Variants in ARMC9 observed in about 807,000 individuals in gnomAD.
ARMC9 encodes the protein armadillo repeat containing 9, also known as lisH domain-containing protein ARMC9.
A neutral mutation model predicts 107.0 loss-of-function variants in ARMC9; 94 were observed. The observed-to-expected ratio is 0.88, with a 90% CI of 0.74 to 1.04. The LOEUF is 1.04. Among genes scored for constraint, ARMC9 ranks in the 50% least tolerant of loss-of-function variants. The pLI is 0.00. For missense variants in ARMC9, 942 were observed against 1,030.1 expected, an observed-to-expected ratio of 0.91 and a Z score of 1.17; for synonymous variants, 380 against 396.9, an observed-to-expected ratio of 0.96 and a Z score of 0.51.
intron 19 of ARMC9, among the ~76,000 whole-genome samples, chr2:231,308,212 C>T (rs1029927619): frequency 6.6e-6 from 1 of 152,222 alleles, no homozygotes; most frequent in Non-Finnish European, 1.5e-5. Flanking sequence ...CCAGTGCTTC[C>T]GTGTGCAGGC....
At position 231,272,937 on chromosome 2, in the gene ARMC9, T is replaced by C. The variant is rs371453388; in HGVS notation, c.1211-18T>C. The C allele has an allele frequency of 2.7e-4, 427 of 1,605,624 alleles. No homozygotes were observed. Among genetic ancestry groups the C allele is most frequent in the South Asian group, 8.8e-4 (79 of 89,370 alleles). On this transcript the variant is annotated intron_variant, in intron 13 of 24. Transcript: ENST00000611582. ...TTATTTCTGTCTTTCACCTGTTTCA[T>C]CTCTGGTGTATTATCAGGTCGCCTC...
At chr2:231,344,012 A>G (rs142585184) in intron 20 of ARMC9, among the ~76,000 whole-genome samples, 1 of 152,302 alleles carries the variant, frequency 6.6e-6, no homozygotes, top group South Asian at 2.1e-4. Flanking sequence ...ACATGGCTAT[A>G]TGATATATAT....
At chr2:231,272,205 T>G (rs890236714) in intron 13 of ARMC9, among the ~76,000 whole-genome samples, 3 of 147,544 alleles carry the variant, frequency 2.0e-5, no homozygotes, top group African/African-American at 7.5e-5. Flanking sequence ...TTTTTTTTTT[T>G]TTTTTGAGAG....
chr2:231,286,887 G>A (rs993629925), intron 17 of ARMC9, among the ~76,000 whole-genome samples: 2 of 152,150 alleles, frequency 1.3e-5, no homozygotes, highest in African/African-American at 4.8e-5. Flanking sequence ...ATCCCCTGAG[G>A]CCCATTTGAA....
chr2:231,287,059 C>T (rs751807797), intron 17 of ARMC9, among the ~76,000 whole-genome samples: 21 of 152,182 alleles, frequency 1.4e-4, no homozygotes, highest in Non-Finnish European at 1.9e-4. Context: ...GGGCTGGAGC[C>T]GATCAGAGGC....
intron 18 of ARMC9, chr2:231,294,874 G>C (rs1185020073): frequency 6.6e-6 from 1 of 152,184 alleles, no homozygotes; most frequent in Non-Finnish European, 1.5e-5. Flanking sequence ...AGACTAAATG[G>C]CATTCCACAA....
chr2:231,221,386 C>T (rs1195971547), intron 5 of ARMC9, among the ~76,000 whole-genome samples: 1 of 152,146 alleles, frequency 6.6e-6, no homozygotes. Flanking sequence ...CTGCAACGAC[C>T]CCATTCCCAA....
rs543293483 is a variant in ARMC9, at chr2:231,322,959, C to G, written c.1774-8834C>G. ...CACAAGCAGCTCAGACAAGTTAGCA[C>G]AGTGGCTGGTGCCCTTGTCGCCCAG... On this transcript the variant is annotated intron_variant, in intron 19 of 24. Coordinates refer to ENST00000611582, the MANE Select transcript of ARMC9 (RefSeq NM_001352754.2). Among the ~76,000 whole-genome samples, 7 of 152,306 alleles carry G rather than the reference C, an allele frequency of 4.6e-5. No individual in the cohort carries two copies. The South Asian group carries it at 1.5e-3, about 32-fold the overall frequency.
chr2:231,272,166 T>TTG (rs60518694), intron 13 of ARMC9, among the ~76,000 whole-genome samples: 17,789 of 146,652 alleles, frequency 0.12, 2,916 homozygotes, highest in African/African-American at 0.37. Flanking sequence ...TGTGGGGGTT[T>TTG]TGTGTGTGTG....
rs184578229 is a variant in ARMC9, at chr2:231,255,964, C to T, written c.880-622C>T. ...CTGAGGCAGGAGAATGGCGTGAACC[C>T]GGTAGGCGGAGGTTGCGGTGAGCCA... On this transcript the variant is annotated intron_variant, in intron 9 of 24. Coordinates refer to ENST00000611582, the MANE Select transcript of ARMC9 (RefSeq NM_001352754.2). The surrounding 1 kb of genome is among the most constrained non-coding windows in gnomAD (Gnocchi z 4.7). 1.1e-3 allele frequency: 939 copies of T among 827,204 alleles called. 11 individuals carry two copies. In the African/African-American group the frequency reaches 0.013, roughly 12 times the overall value. The allele number at this position is 827,204 out of a possible 1,614,324, so 51.2% of individuals were successfully genotyped here.
intron 18 of ARMC9, among the ~76,000 whole-genome samples, chr2:231,292,662 C>T (rs2041096665): frequency 1.3e-5 from 2 of 152,212 alleles, no homozygotes; most frequent in Admixed American, 6.5e-5. Flanking sequence ...AGGTACCAAG[C>T]ACTGCTGGAA....
At chr2:231,276,599 T>C in intron 14 of ARMC9, 37 bp from the exon 15 acceptor site, 1 of 1,613,252 alleles carries the variant, frequency 6.2e-7, no homozygotes, top group Non-Finnish European at 8.5e-7. Flanking sequence ...AAAAGTTTCT[T>C]GGCAGTTTGT....
chr2:231,306,009 T>G (rs185139108), intron 19 of ARMC9, among the ~76,000 whole-genome samples: 20 of 152,330 alleles, frequency 1.3e-4, no homozygotes, highest in Admixed American at 5.9e-4. Context: ...ACGTTTACAC[T>G]CCAACTTAAC....
At chr2:231,317,170 A>T (rs1238778259) in intron 19 of ARMC9, among the ~76,000 whole-genome samples, 2 of 149,854 alleles carry the variant, frequency 1.3e-5, no homozygotes, top group Non-Finnish European at 1.5e-5. Context: ...TTTAGGGTTC[A>T]TGGAACTTTT....
chr2:231,359,015 A>G lies in ARMC9; in HGVS notation c.2132-1739A>G, dbSNP rs2045454934. On this transcript the variant is annotated intron_variant, in intron 22 of 24. Transcript: ENST00000611582. ...CAAGAGATACTACTGTCCCAGGAAG[A>G]CCCCGGTGCACACCCATGGCTGCCC... Among the ~76,000 whole-genome samples, 4 of 148,480 alleles carry G rather than the reference A, an allele frequency of 2.7e-5. No individual in the cohort carries two copies. The South Asian group carries it at 8.5e-4, about 31-fold the overall frequency.
intron 8 of ARMC9, among the ~76,000 whole-genome samples, chr2:231,237,033 T>G (rs2035776938): frequency 6.6e-6 from 1 of 152,260 alleles, no homozygotes; most frequent in Non-Finnish European, 1.5e-5. Context: ...CGCGTTGTTT[T>G]GGTAAAAGAT....
intron 15 of ARMC9, among the ~76,000 whole-genome samples, chr2:231,277,769 G>T (rs2039889871): frequency 6.6e-6 from 1 of 151,966 alleles, no homozygotes; most frequent in Non-Finnish European, 1.5e-5. Flanking sequence ...TACCATGTTG[G>T]CAAGGCTGAT....
At chr2:231,278,715 C>T (rs2039970290) in intron 16 of ARMC9, among the ~76,000 whole-genome samples, 1 of 145,302 alleles carries the variant, frequency 6.9e-6, no homozygotes, top group South Asian at 2.1e-4. Context: ...TCCGGCATTG[C>T]TGTTTCTCAT....
At chr2:231,221,961 G>T (rs1313717810) in intron 5 of ARMC9, among the ~76,000 whole-genome samples, 1 of 152,090 alleles carries the variant, frequency 6.6e-6, no homozygotes, top group Admixed American at 6.6e-5. Flanking sequence ...GAGAGGCAGA[G>T]ACAGTGGGGA....
Sources: allele counts gnomAD v4.1 joint callset (sites outside exome capture counted in the v4.1 genomes callset), GRCh38; gene constraint gnomAD v4.1.1; non-coding constraint Gnocchi (gnomAD v3.1); transcripts MANE v1.5; gene names NCBI Gene and HGNC (gene_info 2026-07-23, HGNC 2026-07-21).